CDH12: variants seen among roughly 807,000 people sequenced by gnomAD.
The protein encoded by CDH12 is cadherin-12.
In CDH12, 41 loss-of-function variants were observed where a neutral mutation model predicts 74.1. That is an observed-to-expected ratio of 0.55 (90% confidence interval 0.43 to 0.72). The LOEUF (loss-of-function observed/expected upper bound fraction) is 0.72. Among genes scored for constraint, CDH12 ranks in the 30% least tolerant of loss-of-function variants. CDH12 has a pLI of 0.00. For missense variants in CDH12, 945 were observed against 977.2 expected (o/e 0.97, Z 0.44); for synonymous variants, 399 against 355.0 (o/e 1.12, Z -1.39).
At chr5:22,397,208 T>C (rs1354338184) in intron 3 of CDH12, among the ~76,000 whole-genome samples, 1 of 152,040 alleles carries the variant, frequency 6.6e-6, no homozygotes, top group African/African-American at 2.4e-5. Flanking sequence ...CAAATAATCA[T>C]GGCAAAGTCT....
chr5:22,741,504 A>G (rs1486531079), intron 1 of CDH12, among the ~76,000 whole-genome samples: 1 of 152,092 alleles, frequency 6.6e-6, no homozygotes, highest in Non-Finnish European at 1.5e-5. Context: ...TGTTGTTTTT[A>G]ATTCTGAAGT....
chr5:22,657,644 T>A (rs551694709), intron 1 of CDH12, among the ~76,000 whole-genome samples: 82 of 152,296 alleles, frequency 5.4e-4, no homozygotes, highest in African/African-American at 1.6e-3. Context: ...ATTTCTATGG[T>A]GACATTTATC....
At chr5:22,316,411 T>C (rs1359635415) in intron 3 of CDH12, among the ~76,000 whole-genome samples, 1 of 152,186 alleles carries the variant, frequency 6.6e-6, no homozygotes, top group Non-Finnish European at 1.5e-5. Flanking sequence ...CATATTCTAC[T>C]AGTTATCACA....
chr5:22,813,493 G>A (rs1354928504), intron 1 of CDH12, among the ~76,000 whole-genome samples: 1 of 152,004 alleles, frequency 6.6e-6, no homozygotes, highest in Non-Finnish European at 1.5e-5. Flanking sequence ...CTCACATCCT[G>A]GTTTCCACAC....
intron 3 of CDH12, among the ~76,000 whole-genome samples, chr5:22,385,440 C>T (rs771276524): frequency 7.2e-5 from 11 of 152,160 alleles, no homozygotes; most frequent in Non-Finnish European, 1.3e-4. Flanking sequence ...ATGTACCTTT[C>T]GGAAAACTTC....
chr5:22,136,836 T>C (rs570497815), intron 4 of CDH12, among the ~76,000 whole-genome samples: 7 of 151,886 alleles, frequency 4.6e-5, no homozygotes, highest in Admixed American at 4.6e-4. Flanking sequence ...AGAAATCTGC[T>C]ATTGTGATGA....
chr5:22,079,175 T>TA (rs1217174298), intron 4 of CDH12, among the ~76,000 whole-genome samples: 2 of 152,196 alleles, frequency 1.3e-5, no homozygotes, highest in Non-Finnish European at 2.9e-5. Flanking sequence ...GCTATTAAGT[T>TA]AGAGTAGGAT....
intron 3 of CDH12, among the ~76,000 whole-genome samples, chr5:22,339,618 G>A (rs2920749): frequency 0.49 from 73,844 of 151,904 alleles, 18,345 homozygotes; most frequent in South Asian, 0.6. Flanking sequence ...CAGAGTAAAG[G>A]ATGAGGTAAA....
chr5:22,510,130 T>G (rs1736541556), intron 1 of CDH12, among the ~76,000 whole-genome samples: 1 of 152,056 alleles, frequency 6.6e-6, no homozygotes, highest in South Asian at 2.1e-4. Flanking sequence ...AATAGACACA[T>G]AATACACATT....
chr5:21,813,141 T>C (rs1018994092), intron 9 of CDH12, among the ~76,000 whole-genome samples: 2 of 152,176 alleles, frequency 1.3e-5, no homozygotes, highest in African/African-American at 4.8e-5. Flanking sequence ...CATTATTTCC[T>C]AGTTACTGTT....
intron 3 of CDH12, among the ~76,000 whole-genome samples, chr5:22,278,747 G>T: frequency 6.6e-6 from 1 of 151,932 alleles, no homozygotes; most frequent in South Asian, 2.1e-4. Context: ...CTACCCTCTA[G>T]GTATGCAATT....
intron 1 of CDH12, among the ~76,000 whole-genome samples, chr5:22,632,039 C>T (rs1738612316): frequency 1.3e-5 from 2 of 152,074 alleles, no homozygotes; most frequent in Non-Finnish European, 2.9e-5. Context: ...AAGAAGGGAA[C>T]ACCAGACATC....
chr5:22,769,992 T>C (rs1240808144), intron 1 of CDH12, among the ~76,000 whole-genome samples: 1 of 151,808 alleles, frequency 6.6e-6, no homozygotes, highest in Non-Finnish European at 1.5e-5. Flanking sequence ...AATGCAAGTT[T>C]TTACAATATG....
intron 6 of CDH12, chr5:21,884,073 A>G: frequency 7.0e-7 from 1 of 1,423,932 alleles, no homozygotes; most frequent in Non-Finnish European, 9.9e-7. Context: ...TGAGAAAATT[A>G]TGCAAAATTC....
At chr5:22,141,350 C>G (rs771832368) in intron 4 of CDH12, 7 of 152,282 alleles carry the variant, frequency 4.6e-5, no homozygotes, top group Non-Finnish European at 8.8e-5. Context: ...AAGTTAGTCT[C>G]GTGAGAGAGG....
At chr5:22,580,376 C>T (rs1030084212) in intron 1 of CDH12, 2 of 473,996 alleles carry the variant, frequency 4.2e-6, no homozygotes, top group East Asian at 6.2e-5. Flanking sequence ...ACACCAAGTG[C>T]ACGTGGTCCC....
chr5:21,950,019 A>C (rs1238071905), intron 6 of CDH12, among the ~76,000 whole-genome samples: 2 of 152,230 alleles, frequency 1.3e-5, no homozygotes, highest in Non-Finnish European at 2.9e-5. Flanking sequence ...CTAGTCCTGC[A>C]AACTTAATTT....
intron 5 of CDH12, among the ~76,000 whole-genome samples, chr5:21,981,297 T>C (rs1757294752): frequency 6.6e-6 from 1 of 152,088 alleles, no homozygotes; most frequent in South Asian, 2.1e-4. Flanking sequence ...TCCAATATTT[T>C]ATTATGAAAT....
chr5:22,668,180 G>A (rs268976), intron 1 of CDH12, among the ~76,000 whole-genome samples: 6 of 151,944 alleles, frequency 3.9e-5, no homozygotes, highest in Non-Finnish European at 5.9e-5. Context: ...ATAGAAAAAG[G>A]AAATCTTCTA....
Sources: allele counts gnomAD v4.1 joint callset (sites outside exome capture counted in the v4.1 genomes callset), GRCh38; gene constraint gnomAD v4.1.1; transcripts MANE v1.5; gene names NCBI Gene and HGNC (gene_info 2026-07-23, HGNC 2026-07-21).